TRPC1: variants seen among roughly 807,000 people sequenced by gnomAD.
TRPC1 encodes short transient receptor potential channel 1.
A neutral mutation model predicts 88.2 loss-of-function variants in TRPC1; 42 were observed. That is an observed-to-expected ratio of 0.48 (90% CI 0.37 to 0.62). TRPC1 has a LOEUF of 0.62. Ranked by LOEUF, TRPC1 falls within the 20% of genes least tolerant of loss-of-function variation. The probability of loss-of-function intolerance (pLI) is 0.00; values close to 1 mark genes in which losing one functional copy is unlikely to be tolerated. For missense variants in TRPC1, 699 were observed against 957.3 expected (o/e 0.73, Z 3.56); for synonymous variants, 288 against 331.8 (o/e 0.87, Z 1.43).
intron 9 of TRPC1, among the ~76,000 whole-genome samples, chr3:142,794,662 G>A (rs73232710): frequency 0.017 from 2,583 of 152,198 alleles, 23 homozygotes; most frequent in Non-Finnish European, 0.028. Context: ...CTGGAGATCT[G>A]CAGTTGTCTC....
rs1004888406 is a variant in TRPC1 at position 142,724,396 on chromosome 3, C to T, written c.-164C>T. ...TCAGTGGAGGGCGAGTGCTGGTTCT[C>T]AGGGGAGGCGACGCCCTTCGGGGCC... On this transcript the variant is annotated 5_prime_UTR_variant, in exon 1 of 13. Transcript: ENST00000476941. The surrounding 1 kb of genome is among the most constrained non-coding windows in gnomAD (Gnocchi z 5.6). The T allele has an allele frequency of 1.0e-5, 6 of 575,404 alleles. No homozygotes were observed. In the Admixed American group the frequency reaches 2.0e-4, roughly 19 times the overall value. The allele number at this position is 575,404 out of a possible 1,614,324, so 35.6% of individuals were successfully genotyped here. A position where few individuals can be genotyped will look rare whatever the true frequency, so the allele number is the denominator to read the frequency against.
chr3:142,777,733 A>G lies in TRPC1; in HGVS notation c.734A>G (p.Lys245Arg), dbSNP rs775642775. ...GCATTTGAACTTAGTGCTGATTTAA[A>G]AGAACTAAGTCTTGTGGAGGTGGAA... ...LRAFELSADL[K>R]ELSLVEVEFR... Residue 245 changes from lysine (K) to arginine (R), a missense_variant, in exon 5 of 13, where the codon AAA becomes AGA. This residue lies in a region of TRPC1 where 426 missense variants were observed against 641.3 expected (regional missense o/e 0.66). Transcript: ENST00000476941. 1 of 1,612,578 alleles carries G rather than the reference A, an allele frequency of 6.2e-7. No individual in the cohort carries two copies. Among genetic ancestry groups the G allele is most frequent in the East Asian group, 2.2e-5 (1 of 44,804 alleles).
At chr3:142,747,823 A>G (rs770484449) in intron 3 of TRPC1, among the ~76,000 whole-genome samples, 53 of 152,332 alleles carry the variant, frequency 3.5e-4, no homozygotes, top group Non-Finnish European at 4.3e-4. Context: ...GGTTTGCCAT[A>G]GAGGTGAAAT....
rs562003281 is a variant in TRPC1, at chr3:142,746,287, A to G, written c.430-1971A>G. Among the ~76,000 whole-genome samples, 247 of 152,258 alleles carry G rather than the reference A, an allele frequency of 1.6e-3. 1 individual carries two copies. Among genetic ancestry groups the G allele is most frequent in the African/African-American group, 5.8e-3 (239 of 41,564 alleles). ...AGGTTTTTTATTTAATAGTATACAG[A>G]TTATATTATGAACAATGGAATTATG... On this transcript the variant is annotated intron_variant, in intron 3 of 12. Coordinates refer to ENST00000476941, the MANE Select transcript of TRPC1 (RefSeq NM_001251845.2).
rs1461020986 is a variant in TRPC1, at chr3:142,777,614, A to C, written c.633-18A>C. Reference sequence around the variant, plus strand: ...TGTATAAGTTTATTTTACATTATGGAATCCAATTTTATCACAGGTTTCGTC... The same window carrying C: ...TGTATAAGTTTATTTTACATTATGGCATCCAATTTTATCACAGGTTTCGTC... On this transcript the variant is annotated intron_variant, in intron 4 of 12. Transcript: ENST00000476941. 6.4e-7 allele frequency: 1 copy of C among 1,551,768 alleles called. No homozygotes were observed. The highest frequency in any genetic ancestry group is 8.7e-7 in the Non-Finnish European group (1 of 1,146,158).
intron 3 of TRPC1, among the ~76,000 whole-genome samples, chr3:142,744,218 A>G (rs1048392428): frequency 1.3e-5 from 2 of 152,172 alleles, no homozygotes; most frequent in African/African-American, 4.8e-5. Context: ...GTAAGATACT[A>G]ATTTTAAACT....
intron 9 of TRPC1, among the ~76,000 whole-genome samples, chr3:142,794,134 C>G (rs1936379412): frequency 1.3e-5 from 2 of 152,212 alleles, no homozygotes; most frequent in Middle Eastern, 3.4e-3. Flanking sequence ...CTGTATTTTT[C>G]CAAAACACAG....
intron 4 of TRPC1, 38 bp downstream of exon 4, chr3:142,748,498 A>G (rs1934638353): frequency 1.3e-6 from 2 of 1,582,038 alleles, no homozygotes; most frequent in African/African-American, 2.7e-5. Flanking sequence ...GATGTGTGAT[A>G]TATATCAACA....
At chr3:142,766,394 C>CTT (rs1336566515) in intron 4 of TRPC1, among the ~76,000 whole-genome samples, 98 of 141,092 alleles carry the variant, frequency 6.9e-4, no homozygotes, top group African/African-American at 2.4e-3. Flanking sequence ...CAGCCTACAT[C>CTT]TTTTTTTTTT....
rs1015932605 is a variant in TRPC1, at chr3:142,804,776, C to T, written c.2154+146C>T. ...TGCTATATACCCTAATGTACGGCATCGCATCCAACATAAAGTAAGGATTCA... is the reference window on the plus strand; with the variant it reads ...TGCTATATACCCTAATGTACGGCATTGCATCCAACATAAAGTAAGGATTCA... On this transcript the variant is annotated intron_variant, in intron 12 of 12. Coordinates refer to ENST00000476941, the MANE Select transcript of TRPC1 (RefSeq NM_001251845.2). 22 of 628,782 alleles carry T rather than the reference C, an allele frequency of 3.5e-5. No homozygotes were observed. The East Asian group carries it at 4.9e-4, about 14-fold the overall frequency. The allele number at this position is 628,782 out of a possible 1,614,324, so 39.0% of individuals were successfully genotyped here. A position where few individuals can be genotyped will look rare whatever the true frequency, so the allele number is the denominator to read the frequency against.
At position 142,806,623 on chromosome 3, in the gene TRPC1, G is replaced by A. The variant is rs1307241707; in HGVS notation, c.*388G>A. The A allele has an allele frequency of 1.3e-5, 2 of 155,806 alleles. No individual in the cohort carries two copies. Among genetic ancestry groups the A allele is most frequent in the African/African-American group, 4.8e-5 (2 of 41,438 alleles). The allele number at this position is 155,806 out of a possible 1,614,324, so 9.7% of individuals were successfully genotyped here. ...CTGATCTCCTTCACAGGATACACTTGAAATATAGAAGTTATGTTTTAAATA... is the reference window on the plus strand; with the variant it reads ...CTGATCTCCTTCACAGGATACACTTAAAATATAGAAGTTATGTTTTAAATA... On this transcript the variant is annotated 3_prime_UTR_variant, in exon 13 of 13. Transcript: ENST00000476941.
chr3:142,724,834 G>C lies in TRPC1; in HGVS notation c.172+103G>C. The stretch of plus-strand genomic sequence containing the variant: ...TCGGGGCATTCCCTCTGTCTCAGGC[G>C]CCGAGTGTCTTCCCGCCTCGCCTGC... On this transcript the variant is annotated intron_variant, in intron 1 of 12. Coordinates refer to ENST00000476941, the MANE Select transcript of TRPC1 (RefSeq NM_001251845.2). This position sits in a 1 kb window ranked among gnomAD's most constrained non-coding sequence, Gnocchi z 5.6. The C allele has an allele frequency of 7.6e-7, 1 of 1,323,666 alleles. No individual in the cohort carries two copies. The highest frequency in any genetic ancestry group is 3.0e-5 in the Admixed American group (1 of 33,108). 82.0% of individuals were successfully genotyped at this position (1,323,666 alleles called of 1,614,324 possible). A position where few individuals can be genotyped will look rare whatever the true frequency, so the allele number is the denominator to read the frequency against.
chr3:142,784,047 T>G (rs1184033197), intron 6 of TRPC1, among the ~76,000 whole-genome samples: 1 of 152,180 alleles, frequency 6.6e-6, no homozygotes, highest in Non-Finnish European at 1.5e-5. Flanking sequence ...TTAATCAGGC[T>G]TAAGAGTGTC....
rs1322877069 is a variant in TRPC1 at position 142,756,496 on chromosome 3, A to ACTACAGGCGCCCACCACCACGCC, written c.632+8038_632+8060dup. Among the ~76,000 whole-genome samples the ACTACAGGCGCCCACCACCACGCC allele has an allele frequency of 2.6e-5, 4 of 151,970 alleles. No homozygotes were observed. The East Asian group carries it at 7.8e-4, about 29-fold the overall frequency. On this transcript the variant is annotated intron_variant, in intron 4 of 12. Coordinates refer to ENST00000476941, the MANE Select transcript of TRPC1 (RefSeq NM_001251845.2). The stretch of plus-strand genomic sequence containing the variant: ...TACCTCAGCCTCCCGAGTAGCTGGA[A>ACTACAGGCGCCCACCACCACGCC]CTACAGGCGCCCACCACCACGCCCG...
Position 142,776,680 on chromosome 3 carries a change from G to A in TRPC1, c.633-952G>A, listed in dbSNP as rs1935782298. Reference sequence around the variant, plus strand: ...AGCACTTTGGGAGGCCGAGGTGGCTGGATCACAAGGTCAGGAGATCGAGAC... The same window carrying A: ...AGCACTTTGGGAGGCCGAGGTGGCTAGATCACAAGGTCAGGAGATCGAGAC... On this transcript the variant is annotated intron_variant, in intron 4 of 12. Transcript: ENST00000476941. The surrounding 1 kb of genome is among the most constrained non-coding windows in gnomAD (Gnocchi z 4.1). Among the ~76,000 whole-genome samples, 1 of 152,032 alleles carries A rather than the reference G, an allele frequency of 6.6e-6. No homozygotes were observed. The highest frequency in any genetic ancestry group is 6.6e-5 in the Admixed American group (1 of 15,254).
At chr3:142,732,156 G>A (rs1389303796) in intron 1 of TRPC1, among the ~76,000 whole-genome samples, 1 of 152,228 alleles carries the variant, frequency 6.6e-6, no homozygotes, top group Non-Finnish European at 1.5e-5. Context: ...TGTGGGCTCA[G>A]TGGAGTCAGG....
intron 12 of TRPC1, 56 bp from the exon 13 acceptor site, chr3:142,805,952 T>C (rs1936779975): frequency 1.3e-6 from 2 of 1,491,280 alleles, no homozygotes; most frequent in Non-Finnish European, 1.8e-6. Context: ...TTTTGAACTC[T>C]ACCTCATTTA....
In TRPC1 at chr3:142,767,899, TTGTG is replaced by T. The variant is rs909742432; in HGVS notation, c.633-9727_633-9724del. ...GTTATCTGATTTTTTTATTGATGAA[TTGTG>T]TGTGTATGTTTTTTTTTTAACTTTT... On this transcript the variant is annotated intron_variant, in intron 4 of 12. Transcript: ENST00000476941. The surrounding 1 kb of genome is among the most constrained non-coding windows in gnomAD (Gnocchi z 5.1). Among the ~76,000 whole-genome samples, 2 of 140,182 alleles carry T rather than the reference TTGTG, an allele frequency of 1.4e-5. No homozygotes were observed. Among genetic ancestry groups the T allele is most frequent in the African/African-American group, 3.1e-5 (1 of 32,236 alleles). The allele number at this position is 140,182 out of a possible 152,430, so 92.0% of individuals were successfully genotyped here. A position where few individuals can be genotyped will look rare whatever the true frequency, so the allele number is the denominator to read the frequency against.
At chr3:142,764,637 G>A (rs1227203234) in intron 4 of TRPC1, among the ~76,000 whole-genome samples, 1 of 152,058 alleles carries the variant, frequency 6.6e-6, no homozygotes, top group Non-Finnish European at 1.5e-5. Flanking sequence ...GTTTCCAGAT[G>A]AATTGGGGCT....
Sources: gnomAD v4.1 joint callset for allele counts (sites outside exome capture counted in the v4.1 genomes callset) on GRCh38, gnomAD v4.1.1 for gene constraint, gnomAD v4.1.1 regional missense constraint, Gnocchi (gnomAD v3.1) non-coding constraint, MANE v1.5 for transcripts, NCBI Gene and HGNC (gene_info 2026-07-23, HGNC 2026-07-21) for gene names.